Variants in CRHR2 observed in about 807,000 individuals in gnomAD.
CRHR2 encodes the protein corticotropin-releasing hormone receptor 2.
In CRHR2, 53 loss-of-function variants were observed where a neutral mutation model predicts 57.9. The ratio of observed to expected loss-of-function variants is 0.92; its 90% CI spans 0.73 to 1.15. CRHR2 has a LOEUF of 1.15. Among genes scored for constraint, CRHR2 ranks in the 50% most tolerant of loss-of-function variants. CRHR2 has a pLI of 0.00. For synonymous variants in CRHR2, 213 were observed against 220.9 expected, an observed-to-expected ratio of 0.96 and a Z score of 0.32; for missense variants, 532 against 542.6, an observed-to-expected ratio of 0.98 and a Z score of 0.19.
At chr7:30,697,279 C>G (rs1562814186) in intron 1 of CRHR2, among the ~76,000 whole-genome samples, 2 of 152,166 alleles carry the variant, frequency 1.3e-5, no homozygotes, top group African/African-American at 4.8e-5. Context: ...ACAGAGGCAC[C>G]ATCCTGAGAC....
In CRHR2 at chr7:30,700,022, G is replaced by A. The variant is rs1474274227; in HGVS notation, c.-339C>T. On this transcript the variant is annotated 5_prime_UTR_variant, in exon 1 of 14. Transcript: ENST00000341843. ...CGTAGAGGAGGCCTGGGGGCCCTGAGGGACCCCTCATGCCAGTAGTGGCTG... is the reference window on the plus strand; with the variant it reads ...CGTAGAGGAGGCCTGGGGGCCCTGAAGGACCCCTCATGCCAGTAGTGGCTG... The A allele has an allele frequency of 6.3e-6, 9 of 1,430,558 alleles. No homozygotes were observed. The Admixed American group carries it at 2.8e-4, about 44-fold the overall frequency. 88.6% of individuals were successfully genotyped at this position (1,430,558 alleles called of 1,614,324 possible). A position where few individuals can be genotyped will look rare whatever the true frequency, so the allele number is the denominator to read the frequency against.
At position 30,682,432 on chromosome 7, in the gene CRHR2, C is replaced by A. The variant is rs1784753633; in HGVS notation, c.-152G>T. ...CTCCCGGGCAGCCTTTGGGCGCCAC[C>A]TCCGGTCGCCCAGAGCTGTCAAGTG... is the stretch of plus-strand genomic sequence containing the variant. On this transcript the variant is annotated 5_prime_UTR_variant, in exon 1 of 12. The change creates a new upstream start codon in the 5' untranslated region. Coordinates refer to ENST00000471646, the MANE Select transcript of CRHR2 (RefSeq NM_001883.5). 4.4e-6 allele frequency: 6 copies of A among 1,356,600 alleles called. No individual in the cohort carries two copies. The highest frequency in any genetic ancestry group is 5.7e-6 in the Non-Finnish European group (6 of 1,061,580). The allele number at this position is 1,356,600 out of a possible 1,614,324, so 84.0% of individuals were successfully genotyped here.
At chr7:30,687,051 A>T (rs1784869717), upstream of CRHR2, among the ~76,000 whole-genome samples, 1 of 152,096 alleles carries the variant, frequency 6.6e-6, no homozygotes, top group Non-Finnish European at 1.5e-5. Context: ...CATTCCCTTG[A>T]CTATTGCATT....
Position 30,662,163 on chromosome 7 carries a change from T to C in CRHR2, c.751A>G (p.Asn251Asp). 6.2e-7 allele frequency: 1 copy of C among 1,614,028 alleles called. No individual in the cohort carries two copies. The highest frequency in any genetic ancestry group is 1.1e-5 in the South Asian group (1 of 91,068). The stretch of plus-strand genomic sequence containing the variant: ...GCTGGCCCATCCACTTACTGTTCAT[T>C]CTCATAGTAGAGCTTGCCGATGGCC... ...AWAIGKLYYE[N>D]EQCWFGKEPG... The change falls in exon 7 of 12, where the codon AAT becomes GAT. Residue 251 changes from asparagine (N) to aspartate (D), a missense_variant. Physicochemically the swap from Asn to Asp is conservative, Grantham distance 23. Coordinates refer to ENST00000471646, the MANE Select transcript of CRHR2 (RefSeq NM_001883.5).
At chr7:30,685,530 G>T (rs1016953002), upstream of CRHR2, among the ~76,000 whole-genome samples, 2 of 152,164 alleles carry the variant, frequency 1.3e-5, no homozygotes, top group South Asian at 2.1e-4. Context: ...GGGGCCTGAA[G>T]GTGCTGCACT....
chr7:30,689,134 G>A (rs534267538), intron 2 of CRHR2: 60 of 1,470,192 alleles, frequency 4.1e-5, no homozygotes, highest in Admixed American at 5.9e-5. Context: ...TCTTCCTCCC[G>A]CAGGGCCCAC....
rs532510533 is a variant in CRHR2, at chr7:30,660,229, A to G, written c.831+344T>C. On this transcript the variant is annotated intron_variant, in intron 8 of 11. Coordinates refer to ENST00000471646, the MANE Select transcript of CRHR2 (RefSeq NM_001883.5). ...GTCTGGAATGAACAGAAGCCCGCAC[A>G]CTCTTCTCTTGTCACCAGCTGCCTG... Among the ~76,000 whole-genome samples, 55 of 152,054 alleles carry G rather than the reference A, an allele frequency of 3.6e-4. 1 individual carries two copies. Among genetic ancestry groups the G allele is most frequent in the African/African-American group, 1.3e-3 (54 of 41,472 alleles).
At chr7:30,678,705 C>T (rs989913965) in intron 2 of CRHR2, among the ~76,000 whole-genome samples, 3 of 152,196 alleles carry the variant, frequency 2.0e-5, no homozygotes, top group African/African-American at 7.2e-5. Context: ...TCAGCTGTCC[C>T]TCCAGCTCCT....
At chr7:30,688,549 T>C (rs1401518626) in intron 2 of CRHR2, among the ~76,000 whole-genome samples, 1 of 152,184 alleles carries the variant, frequency 6.6e-6, no homozygotes, top group Non-Finnish European at 1.5e-5. Flanking sequence ...AGGCTGGGTC[T>C]GGGTGCTGGC....
At chr7:30,654,148 T>C (rs138629558) in intron 11 of CRHR2, among the ~76,000 whole-genome samples, 224 of 152,352 alleles carry the variant, frequency 1.5e-3, no homozygotes, top group Non-Finnish European at 2.5e-3. Context: ...ATTTCTAAAG[T>C]TGGCTCTACC....
chr7:30,678,858 C>G (rs1246822851), intron 2 of CRHR2, among the ~76,000 whole-genome samples: 2 of 152,212 alleles, frequency 1.3e-5, no homozygotes, highest in East Asian at 3.8e-4. Flanking sequence ...AGCCTGCGGT[C>G]TACCTGGGTC....
chr7:30,657,083 TCACACACA>T (rs55909312), intron 8 of CRHR2, among the ~76,000 whole-genome samples: 3 of 145,520 alleles, frequency 2.1e-5, no homozygotes, highest in African/African-American at 5.1e-5. Context: ...ACACACCCAC[TCACACACA>T]CACACACACA....
At chr7:30,664,286 A>G (rs1784107805) in intron 5 of CRHR2, among the ~76,000 whole-genome samples, 1 of 152,252 alleles carries the variant, frequency 6.6e-6, no homozygotes, top group South Asian at 2.1e-4. Context: ...CTACAGTTTT[A>G]CAATAGCTTG....
Position 30,656,087 on chromosome 7 carries a change from C to G in CRHR2, c.832-75G>C. 7.1e-7 allele frequency: 1 copy of G among 1,412,120 alleles called. No homozygotes were observed. Among genetic ancestry groups the G allele is most frequent in the South Asian group, 1.2e-5 (1 of 85,872 alleles). 87.5% of individuals were successfully genotyped at this position (1,412,120 alleles called of 1,614,324 possible). On this transcript the variant is annotated intron_variant, in intron 8 of 11. Coordinates refer to ENST00000471646, the MANE Select transcript of CRHR2 (RefSeq NM_001883.5). This position sits in a 1 kb window ranked among gnomAD's most constrained non-coding sequence, Gnocchi z 4.4. ...TTGAGATGAGCCGAGAGGCAGCCCCCTTCCCCGCAGACCCCTGGAAACCGA... is the reference window on the plus strand; with the variant it reads ...TTGAGATGAGCCGAGAGGCAGCCCCGTTCCCCGCAGACCCCTGGAAACCGA...
intron 2 of CRHR2, among the ~76,000 whole-genome samples, chr7:30,680,872 G>A (rs1393142462): frequency 2.0e-5 from 3 of 151,408 alleles, no homozygotes; most frequent in African/African-American, 4.9e-5. Context: ...GGTGGAGGTG[G>A]AGCTGGGCTA....
intron 2 of CRHR2, among the ~76,000 whole-genome samples, chr7:30,678,136 T>C (rs528352308): frequency 2.6e-5 from 4 of 152,328 alleles, no homozygotes; most frequent in African/African-American, 9.6e-5. Context: ...GCCCCAAATC[T>C]GGTTCTCTAG....
intron 1 of CRHR2, among the ~76,000 whole-genome samples, chr7:30,691,066 C>T (rs752378747): frequency 2.1e-4 from 32 of 149,622 alleles, no homozygotes; most frequent in Admixed American, 1.0e-3. Context: ...TTGCTGACCC[C>T]GTGAGCCACT....
chr7:30,671,959 G>A (rs1042532313), intron 2 of CRHR2, among the ~76,000 whole-genome samples: 5 of 152,204 alleles, frequency 3.3e-5, no homozygotes, highest in African/African-American at 1.2e-4. Flanking sequence ...TGACATTGAG[G>A]TGGGGAGGGC....
At chr7:30,667,169 C>G in intron 3 of CRHR2, 59 bp downstream of exon 3, 1 of 1,514,572 alleles carries the variant, frequency 6.6e-7, no homozygotes, top group Non-Finnish European at 9.2e-7. Flanking sequence ...CTTCTCTGCT[C>G]AACCTGAGTC....
Sources: allele counts gnomAD v4.1 joint callset (sites outside exome capture counted in the v4.1 genomes callset), GRCh38; gene constraint gnomAD v4.1.1; non-coding constraint Gnocchi (gnomAD v3.1); transcripts MANE v1.5; gene names NCBI Gene and HGNC (gene_info 2026-07-23, HGNC 2026-07-21).